BCLAF1: variants seen among roughly 807,000 people sequenced by gnomAD.
BCLAF1 encodes BCL2 associated transcription factor 1, also known as bcl-2-associated transcription factor 1.
A neutral mutation model predicts 99.5 loss-of-function variants in BCLAF1; 10 were observed. That is an observed-to-expected ratio of 0.10 (90% CI 0.06 to 0.17). The LOEUF (loss-of-function observed/expected upper bound fraction) is 0.17, where lower values mean the gene tolerates loss of function less well. Ranked by LOEUF, BCLAF1 falls within the 10% of genes least tolerant of loss-of-function variation. The pLI, the probability that BCLAF1 is intolerant of heterozygous loss-of-function variation, is 1.00. For synonymous variants in BCLAF1, 255 were observed against 370.9 expected, an observed-to-expected ratio of 0.69 and a Z score of 3.59; for missense variants, 636 against 1,105.8, an observed-to-expected ratio of 0.58 and a Z score of 6.02.
intron 6 of BCLAF1, among the ~76,000 whole-genome samples, chr6:136,273,727 A>G (rs1002081709): frequency 5.3e-5 from 8 of 151,996 alleles, no homozygotes; most frequent in African/African-American, 1.9e-4. Context: ...ACATTCAATA[A>G]TTACTCCAAA....
At chr6:136,273,981 T>C in intron 6 of BCLAF1, 1 of 1,226,138 alleles carries the variant, frequency 8.2e-7, no homozygotes, top group Non-Finnish European at 1.0e-6. Context: ...ATCCAGCACA[T>C]GTCTCATAAC....
chr6:136,279,272 TG>T (rs1784040371), intron 3 of BCLAF1, among the ~76,000 whole-genome samples: 1 of 152,192 alleles, frequency 6.6e-6, no homozygotes, highest in South Asian at 2.1e-4. Flanking sequence ...AATGGTATTA[TG>T]GTCATTTGTA....
At chr6:136,262,399 G>T (rs1431754129) in intron 11 of BCLAF1, among the ~76,000 whole-genome samples, 2 of 152,154 alleles carry the variant, frequency 1.3e-5, no homozygotes, top group African/African-American at 2.4e-5. Context: ...TAGAGTACCA[G>T]TAGTGAGCAA....
In BCLAF1 at chr6:136,273,879, G is replaced by A. The variant is rs189177419; in HGVS notation, c.1853-692C>T. The A allele has an allele frequency of 2.4e-5, 18 of 742,172 alleles. No individual in the cohort carries two copies. In the East Asian group the frequency reaches 2.8e-4, roughly 12 times the overall value. The allele number at this position is 742,172 out of a possible 1,614,324, so 46.0% of individuals were successfully genotyped here. ...TGTTGTAAATGTAAAATAGAAAGACGTATAAAGTCATGAGCTATGAAATGT... is the reference window on the plus strand; with the variant it reads ...TGTTGTAAATGTAAAATAGAAAGACATATAAAGTCATGAGCTATGAAATGT... On this transcript the variant is annotated intron_variant, in intron 6 of 12. Coordinates refer to ENST00000531224, the MANE Select transcript of BCLAF1 (RefSeq NM_014739.3).
chr6:136,275,731 C>T (rs778497077), intron 5 of BCLAF1, 30 bp from the exon 6 acceptor site: 1 of 1,561,452 alleles, frequency 6.4e-7, no homozygotes, highest in Admixed American at 2.0e-5. Flanking sequence ...CACACACACA[C>T]AAAATATACC....
At chr6:136,282,010 A>C (rs1584096945) in intron 2 of BCLAF1, among the ~76,000 whole-genome samples, 3 of 152,242 alleles carry the variant, frequency 2.0e-5, no homozygotes, top group African/African-American at 7.2e-5. Flanking sequence ...AGTCCAAAAG[A>C]AATGGATTGA....
intron 6 of BCLAF1, among the ~76,000 whole-genome samples, chr6:136,273,770 T>C (rs867742671): frequency 3.9e-5 from 6 of 152,048 alleles, no homozygotes; most frequent in Admixed American, 2.0e-4. Context: ...AACAGCAAAT[T>C]TGATATTGCT....
chr6:136,266,214 A>G (rs1291338999), intron 11 of BCLAF1, among the ~76,000 whole-genome samples: 3 of 152,138 alleles, frequency 2.0e-5, no homozygotes, highest in African/African-American at 7.2e-5. Context: ...ATATACTCAT[A>G]AAAAGCCAAC....
intron 8 of BCLAF1, 32 bp downstream of exon 8, chr6:136,271,963 A>C: frequency 6.7e-7 from 1 of 1,498,976 alleles, no homozygotes; most frequent in Middle Eastern, 1.7e-4. Context: ...AGCTGAACTT[A>C]ACACGAAAAA....
chr6:136,271,673 T>G lies in BCLAF1; in HGVS notation c.2043+322A>C, dbSNP rs151158286. On this transcript the variant is annotated intron_variant, in intron 8 of 12. Transcript: ENST00000531224. Reference sequence around the variant, plus strand: ...AGAAATATTTACTCTGGCTAATGAATCTCATCTCAAAATTCTAATTTGTAT... The same window carrying G: ...AGAAATATTTACTCTGGCTAATGAAGCTCATCTCAAAATTCTAATTTGTAT... 2.7e-3 allele frequency among the ~76,000 whole-genome samples: 415 copies of G among 152,074 alleles called. 3 individuals carry two copies. The highest frequency in any genetic ancestry group is 9.3e-3 in the African/African-American group (388 of 41,548).
Position 136,289,778 on chromosome 6 carries a change from A to C in BCLAF1, c.-180T>G, listed in dbSNP as rs1785732588. The C allele has an allele frequency of 6.5e-6, 1 of 152,808 alleles. No individual in the cohort carries two copies. The highest frequency in any genetic ancestry group is 1.5e-5 in the Non-Finnish European group (1 of 68,056). The allele number at this position is 152,808 out of a possible 1,614,324, so 9.5% of individuals were successfully genotyped here. A position where few individuals can be genotyped will look rare whatever the true frequency, so the allele number is the denominator to read the frequency against. ...GCAACCACACAGCGGCCATTTCCCGACTCAAGAACGCGAGGAAAACCATAG... is the reference window on the plus strand; with the variant it reads ...GCAACCACACAGCGGCCATTTCCCGCCTCAAGAACGCGAGGAAAACCATAG... On this transcript the variant is annotated 5_prime_UTR_variant, in exon 1 of 13. Coordinates refer to ENST00000531224, the MANE Select transcript of BCLAF1 (RefSeq NM_014739.3).
At chr6:136,289,480 AAC>A (rs1043558438) in intron 1 of BCLAF1, among the ~76,000 whole-genome samples, 9 of 152,246 alleles carry the variant, frequency 5.9e-5, no homozygotes, top group African/African-American at 1.9e-4. Flanking sequence ...CAGGTTCGCA[AAC>A]ACGCGCGCGC....
chr6:136,280,330 G>C (rs550612898), intron 2 of BCLAF1, among the ~76,000 whole-genome samples: 19 of 152,242 alleles, frequency 1.2e-4, no homozygotes, highest in African/African-American at 4.3e-4. Context: ...TGTTATCATA[G>C]TGCTTTATGG....
chr6:136,269,037 T>A, intron 9 of BCLAF1: 2 of 840,836 alleles, frequency 2.4e-6, no homozygotes, highest in Non-Finnish European at 3.0e-6. Context: ...CTCCCCCCCA[T>A]CTCTCCCATG....
rs776149472 is a variant in BCLAF1 at position 136,273,191 on chromosome 6, T to C, written c.1853-4A>G. On this transcript the variant is annotated splice_polypyrimidine_tract_variant and splice_region_variant and intron_variant, in intron 6 of 12. Coordinates refer to ENST00000531224, the MANE Select transcript of BCLAF1 (RefSeq NM_014739.3). The stretch of plus-strand genomic sequence containing the variant: ...GCAGCTGACTTGAAGTATTGCTCTG[T>C]TGATTTAGAAGAAATACTGTCCGAT... The C allele has an allele frequency of 1.2e-6, 2 of 1,609,800 alleles. No homozygotes were observed. Among genetic ancestry groups the C allele is most frequent in the Non-Finnish European group, 1.7e-6 (2 of 1,177,134 alleles).
rs3799400 is a variant in BCLAF1 at position 136,281,291 on chromosome 6, C to T, written c.-11+1293G>A. ...AAGGCAAAGTAAGAATTCCACAACACATAAGAAATAAATTTAGCATTAACA... is the reference window on the plus strand; with the variant it reads ...AAGGCAAAGTAAGAATTCCACAACATATAAGAAATAAATTTAGCATTAACA... On this transcript the variant is annotated intron_variant, in intron 2 of 12. Coordinates refer to ENST00000531224, the MANE Select transcript of BCLAF1 (RefSeq NM_014739.3). Among the ~76,000 whole-genome samples the T allele has an allele frequency of 3.3e-3, 497 of 152,202 alleles. 11 individuals carry two copies. The East Asian group carries it at 0.051, about 16-fold the overall frequency.
At chr6:136,273,983 T>G (rs1475463951) in intron 6 of BCLAF1, 3 of 1,232,216 alleles carry the variant, frequency 2.4e-6, no homozygotes, top group Non-Finnish European at 3.1e-6. Flanking sequence ...CCAGCACATG[T>G]CTCATAACCA....
intron 8 of BCLAF1, 26 bp from the exon 9 acceptor site, chr6:136,269,638 G>A (rs758038031): frequency 6.5e-7 from 1 of 1,529,888 alleles, no homozygotes; most frequent in African/African-American, 1.4e-5. Flanking sequence ...ATAAAATACA[G>A]ATTTCAGGGG....
chr6:136,283,212 T>C (rs970643020), intron 1 of BCLAF1, among the ~76,000 whole-genome samples: 1 of 149,492 alleles, frequency 6.7e-6, no homozygotes, highest in African/African-American at 2.5e-5. Context: ...AAAGGTAATC[T>C]GTAGTTAATT....
Sources: gnomAD v4.1 joint callset for allele counts (sites outside exome capture counted in the v4.1 genomes callset) on GRCh38, gnomAD v4.1.1 for gene constraint, MANE v1.5 for transcripts, NCBI Gene and HGNC (gene_info 2026-07-23, HGNC 2026-07-21) for gene names.